The following LAMA1 variants were observed in gnomAD, a reference collection of about 807,000 sequenced individuals.
The protein encoded by LAMA1 is laminin subunit alpha 1, also known as laminin subunit alpha-1.
LAMA1 carries 219 observed loss-of-function variants against 348.7 expected under a neutral mutation model. The ratio of observed to expected loss-of-function variants is 0.63; its 90% CI spans 0.56 to 0.70. LAMA1 has a LOEUF of 0.70. LAMA1 is among the 30% of genes least tolerant of loss of function. The pLI, the probability that LAMA1 is intolerant of heterozygous loss-of-function variation, is 0.00. For synonymous variants in LAMA1, 1,487 were observed against 1,491.0 expected (o/e 1.00, Z 0.06); for missense variants, 3,744 against 3,888.0 (o/e 0.96, Z 0.99).
chr18:7,026,252 C>T lies in LAMA1; in HGVS notation c.2275-146G>A, dbSNP rs4798527. 6,564 of 894,314 alleles carry T rather than the reference C, an allele frequency of 7.3e-3. 290 individuals are homozygous for T. The African/African-American group carries it at 0.091, about 12-fold the overall frequency. 55.4% of individuals were successfully genotyped at this position (894,314 alleles called of 1,614,324 possible). On this transcript the variant is annotated intron_variant, in intron 16 of 62. Transcript: ENST00000389658. Reference sequence around the variant, plus strand: ...CCTCTGAGCTATATGAGGAAGGCCTCCTGTTTTCAGATTAATATCAGCAAG... The same window carrying T: ...CCTCTGAGCTATATGAGGAAGGCCTTCTGTTTTCAGATTAATATCAGCAAG...
chr18:7,084,312 G>A (rs2058206368), intron 1 of LAMA1, among the ~76,000 whole-genome samples: 2 of 152,172 alleles, frequency 1.3e-5, no homozygotes, highest in Middle Eastern at 3.4e-3. Context: ...AGGTGAGATA[G>A]GAAATCAGAG....
chr18:6,999,218 C>T (rs1024553977), intron 32 of LAMA1, among the ~76,000 whole-genome samples: 10 of 152,016 alleles, frequency 6.6e-5, no homozygotes, highest in African/African-American at 2.4e-4. Context: ...GCTCTGAGTG[C>T]CAGAGGAATA....
rs866739457 is a variant in LAMA1, at chr18:7,013,945, G to A, written c.3233C>T (p.Ser1078Phe). 1 of 1,613,808 alleles carries A rather than the reference G, an allele frequency of 6.2e-7. No homozygotes were observed. The highest frequency in any genetic ancestry group is 8.5e-7 in the Non-Finnish European group (1 of 1,179,900). Reference protein sequence around the residue: ...KFGGRACDQCSLGYRDFPDCV... With the variant: ...KFGGRACDQCFLGYRDFPDCV... ...GTCGGGAAAGTCTCTGTAACCCAAG[G>A]AACACTGATCGCAGGCCCGGCCACC... The change falls in exon 23 of 63, where the codon TCC becomes TTC. Residue 1078 changes from serine (S) to phenylalanine (F), a missense_variant. Ser to Phe is a radical substitution (Grantham distance 155). Around this residue, in one of 3 missense-constraint regions of LAMA1, gnomAD observed 1,529 missense variants for 1,689.4 expected, o/e 0.91. Transcript: ENST00000389658.
chr18:7,035,825 C>T (rs1472258819), intron 13 of LAMA1, among the ~76,000 whole-genome samples, 162 bp downstream of exon 13: 1 of 151,954 alleles, frequency 6.6e-6, no homozygotes, highest in African/African-American at 2.4e-5. Context: ...CAGATTCTCA[C>T]ACTCACCATC....
rs2057922067 is a variant in LAMA1, at chr18:7,022,440, C to T, written c.2701+724G>A. ...GGCCATAAAACATTTCCAATCTCTC[C>T]ACGTGTGCCTGGGAAAGTATGTTTT... On this transcript the variant is annotated intron_variant, in intron 19 of 62. Transcript: ENST00000389658. 1.3e-4 allele frequency among the ~76,000 whole-genome samples: 20 copies of T among 152,218 alleles called. 1 individual carries two copies. Among genetic ancestry groups the T allele is most frequent in the Admixed American group, 1.2e-3 (19 of 15,284 alleles).
chr18:7,049,276 A>G lies in LAMA1; in HGVS notation c.589-19T>C, dbSNP rs1275736412. ...TATGAATCTGAAGATGAAGGCATCA[A>G]AATAGATGAATGTCAATTGTTTATT... On this transcript the variant is annotated intron_variant, in intron 4 of 62. Transcript: ENST00000389658. The G allele has an allele frequency of 2.5e-6, 4 of 1,595,548 alleles. No homozygotes were observed. The African/African-American group carries it at 4.0e-5, about 16-fold the overall frequency.
At chr18:7,040,325 G>C in intron 9 of LAMA1, 89 bp from the exon 10 acceptor site, 1 of 1,382,946 alleles carries the variant, frequency 7.2e-7, no homozygotes, top group South Asian at 1.2e-5. Context: ...AAGGGTCAGA[G>C]GGTATCTATT....
intron 3 of LAMA1, among the ~76,000 whole-genome samples, chr18:7,073,344 T>C (rs894627962): frequency 6.6e-6 from 1 of 152,172 alleles, no homozygotes; most frequent in East Asian, 1.9e-4. Flanking sequence ...TGTTGTGCAA[T>C]GATCACTACC....
intron 28 of LAMA1, among the ~76,000 whole-genome samples, chr18:7,007,947 T>TTATC (rs1555651821): frequency 0.05 from 7,540 of 151,662 alleles, 242 homozygotes; most frequent in Middle Eastern, 0.092. Flanking sequence ...ATTTATTTAT[T>TTATC]TTTGAGACGG....
intron 1 of LAMA1, among the ~76,000 whole-genome samples, chr18:7,087,250 A>G (rs543605888): frequency 5.3e-5 from 8 of 152,338 alleles, no homozygotes; most frequent in African/African-American, 1.9e-4. Flanking sequence ...CTTTAAATCT[A>G]TCCCTTCATA....
At chr18:6,972,121 A>T in intron 47 of LAMA1, 140 bp from the exon 48 acceptor site, 1 of 901,524 alleles carries the variant, frequency 1.1e-6, no homozygotes, top group Non-Finnish European at 1.7e-6. Flanking sequence ...GAAAAAAGCC[A>T]GTTTGTAATC....
intron 29 of LAMA1, among the ~76,000 whole-genome samples, chr18:7,004,359 C>CT (rs889493535): frequency 2.1e-4 from 32 of 149,996 alleles, no homozygotes; most frequent in African/African-American, 6.3e-4. Flanking sequence ...CAATCAATCA[C>CT]TTTTTTTTTT....
intron 49 of LAMA1, chr18:6,965,686 A>G (rs1306391591): frequency 7.8e-6 from 4 of 513,224 alleles, no homozygotes; most frequent in Non-Finnish European, 1.4e-5. Context: ...ATCTCCTCGT[A>G]TCTTTTTCAT....
chr18:7,016,479 A>G lies in LAMA1; in HGVS notation c.2989+12T>C. The G allele has an allele frequency of 6.2e-7, 1 of 1,614,142 alleles. No individual in the cohort carries two copies. The highest frequency in any genetic ancestry group is 1.1e-5 in the South Asian group (1 of 91,080). ...TGACTACAAAGTCTCAAACAAGGAA[A>G]TCAAGGCTTACGTGTACAGCTACCA... On this transcript the variant is annotated intron_variant, in intron 21 of 62. Transcript: ENST00000389658.
In LAMA1 at chr18:7,033,000, G is replaced by A. The variant is rs778230261; in HGVS notation, c.2147C>T (p.Thr716Ile). 6.2e-7 allele frequency: 1 copy of A among 1,609,934 alleles called. No individual in the cohort carries two copies. The highest frequency in any genetic ancestry group is 8.5e-7 in the Non-Finnish European group (1 of 1,178,066). ...VEHCECPQGY[T>I]GTSCESCLSG... Reference sequence around the variant, plus strand: ...AAGCGTCACCTCACAGGAGGTCCCTGTGTAGCCTTGCGGACATTCACAGTG... The same window carrying A: ...AAGCGTCACCTCACAGGAGGTCCCTATGTAGCCTTGCGGACATTCACAGTG... The change falls in exon 15 of 63, where the codon ACA (threonine) becomes ATA (isoleucine). Residue 716 changes from threonine (T) to isoleucine (I), a missense_variant. Coordinates refer to ENST00000389658, the MANE Select transcript of LAMA1 (RefSeq NM_005559.4).
intron 16 of LAMA1, 29 bp downstream of exon 16, chr18:7,032,037 G>A (rs756221363): frequency 6.4e-7 from 1 of 1,565,312 alleles, no homozygotes; most frequent in South Asian, 1.1e-5. Context: ...GAGGAGGAGA[G>A]GGCACCTGAA....
intron 60 of LAMA1, 118 bp downstream of exon 60, chr18:6,948,285 T>TA: frequency 7.4e-7 from 1 of 1,345,116 alleles, no homozygotes; most frequent in Middle Eastern, 1.8e-4. Context: ...AATACTAAAC[T>TA]CAATGTGGTT....
chr18:7,112,562 C>T (rs896036959), intron 1 of LAMA1, among the ~76,000 whole-genome samples: 2 of 151,718 alleles, frequency 1.3e-5, no homozygotes, highest in Admixed American at 1.3e-4. Context: ...GTACCTTTTG[C>T]ATTTCATACC....
chr18:7,080,307 C>A lies in LAMA1; in HGVS notation c.212G>T (p.Gly71Val). 1.9e-6 allele frequency: 3 copies of A among 1,614,252 alleles called. No individual in the cohort carries two copies. Among genetic ancestry groups the A allele is most frequent in the Non-Finnish European group, 1.7e-6 (2 of 1,180,052 alleles). Residue 71 changes from glycine (G) to valine (V), a missense_variant, in exon 2 of 63, where the codon GGC becomes GTC. Coordinates refer to ENST00000389658, the MANE Select transcript of LAMA1 (RefSeq NM_005559.4). Reference sequence around the variant, plus strand: ...CTTGCCTCTGGGGTTTGCGCTGTTGCCATCACAGATCCGGCACTGTGGGTT... The same window carrying A: ...CTTGCCTCTGGGGTTTGCGCTGTTGACATCACAGATCCGGCACTGTGGGTT... The part of the protein sequence containing the change: ...VRNPQCRICD[G>V]NSANPRERHP...
Sources: allele counts gnomAD v4.1 joint callset (sites outside exome capture counted in the v4.1 genomes callset), GRCh38; gene constraint gnomAD v4.1.1; regional missense constraint gnomAD v4.1.1; transcripts MANE v1.5; gene names NCBI Gene and HGNC (gene_info 2026-07-23, HGNC 2026-07-21).